The following DGKI variants were observed in gnomAD, a reference collection of about 807,000 sequenced individuals.
DGKI encodes the protein DAG kinase iota.
Under a neutral mutation model 147.5 loss-of-function variants are expected in DGKI, and 55 were observed. The observed-to-expected ratio is 0.37, with a 90% CI of 0.30 to 0.47. The LOEUF is 0.47. DGKI is among the 20% of genes least tolerant of loss of function. DGKI has a pLI of 1.00. For synonymous variants in DGKI, 469 were observed against 477.1 expected (o/e 0.98, Z 0.22); for missense variants, 1,007 against 1,323.8 (o/e 0.76, Z 3.71).
chr7:137,720,402 C>T (rs986446653), intron 1 of DGKI, among the ~76,000 whole-genome samples: 3 of 151,854 alleles, frequency 2.0e-5, no homozygotes, highest in African/African-American at 7.3e-5. Context: ...GGACCACAGG[C>T]GCCTGCCATC....
At chr7:137,791,399 A>G (rs1796851231) in intron 1 of DGKI, among the ~76,000 whole-genome samples, 1 of 152,220 alleles carries the variant, frequency 6.6e-6, no homozygotes, top group Admixed American at 6.5e-5. Flanking sequence ...TCTTTCTAGC[A>G]TATCTTCTCC....
intron 12 of DGKI, among the ~76,000 whole-genome samples, chr7:137,588,475 CTT>C (rs71533759): frequency 9.4e-5 from 11 of 116,662 alleles, no homozygotes; most frequent in Admixed American, 8.6e-5. Context: ...CATACCGATG[CTT>C]TTTTTTTTTT....
intron 2 of DGKI, among the ~76,000 whole-genome samples, chr7:137,688,806 T>G (rs1308070419): frequency 6.6e-6 from 1 of 152,146 alleles, no homozygotes; most frequent in Non-Finnish European, 1.5e-5. Context: ...AGAAGTAAAC[T>G]CCAGGAAAGG....
intron 1 of DGKI, among the ~76,000 whole-genome samples, chr7:137,758,803 C>T (rs13244637): frequency 0.03 from 4,616 of 152,080 alleles, 103 homozygotes; most frequent in Non-Finnish European, 0.048. Context: ...TGGGCAAGAT[C>T]ACACTGGGTG....
intron 20 of DGKI, among the ~76,000 whole-genome samples, chr7:137,545,021 A>G (rs1251277670): frequency 1.3e-5 from 2 of 152,220 alleles, no homozygotes; most frequent in Non-Finnish European, 2.9e-5. Context: ...GCAGCAGACT[A>G]TGAATTGTTA....
chr7:137,586,960 A>G, intron 13 of DGKI, 137 bp downstream of exon 13: 1 of 588,376 alleles, frequency 1.7e-6, no homozygotes, highest in Non-Finnish European at 2.8e-6. Context: ...TAAGGGCTCA[A>G]GGGCACTTTG....
At chr7:137,655,872 G>C (rs1215581542) in intron 4 of DGKI, among the ~76,000 whole-genome samples, 2 of 152,184 alleles carry the variant, frequency 1.3e-5, no homozygotes, top group African/African-American at 4.8e-5. Context: ...CTCACTATTG[G>C]AGCCTTTCCC....
At chr7:137,632,807 C>T (rs1472920447) in intron 6 of DGKI, among the ~76,000 whole-genome samples, 2 of 151,186 alleles carry the variant, frequency 1.3e-5, no homozygotes, top group South Asian at 2.1e-4. Context: ...TGTAGTGAGC[C>T]GAGATCATGC....
intron 8 of DGKI, among the ~76,000 whole-genome samples, chr7:137,615,823 T>C (rs1299000794): frequency 1.3e-5 from 2 of 152,120 alleles, no homozygotes; most frequent in South Asian, 2.1e-4. Context: ...GAATTTAACA[T>C]TGGTGTCGAA....
intron 1 of DGKI, among the ~76,000 whole-genome samples, chr7:137,818,152 AT>A (rs1797792649): frequency 6.6e-6 from 1 of 152,232 alleles, no homozygotes; most frequent in South Asian, 2.1e-4. Context: ...ATTGAAGGAA[AT>A]ACACCCAACC....
chr7:137,786,765 A>G (rs1796683938), intron 1 of DGKI, among the ~76,000 whole-genome samples: 1 of 152,178 alleles, frequency 6.6e-6, no homozygotes, highest in East Asian at 1.9e-4. Context: ...TGGTACTGGT[A>G]TAAAAATCAG....
chr7:137,425,559 G>C (rs923010609), intron 28 of DGKI, among the ~76,000 whole-genome samples: 1 of 152,214 alleles, frequency 6.6e-6, no homozygotes, highest in Non-Finnish European at 1.5e-5. Context: ...GAATGACTTT[G>C]ACGAGTTGAG....
intron 22 of DGKI, among the ~76,000 whole-genome samples, chr7:137,486,970 G>A (rs1528100): frequency 0.12 from 17,631 of 151,970 alleles, 1,184 homozygotes; most frequent in African/African-American, 0.19. Flanking sequence ...GAATGGAGAC[G>A]GTTAAGACTC....
In DGKI at chr7:137,535,569, C is replaced by G. The variant is rs187565012; in HGVS notation, c.2148-13603G>C. 5.0e-3 allele frequency among the ~76,000 whole-genome samples: 753 copies of G among 152,112 alleles called. 7 individuals are homozygous for G. The highest frequency in any genetic ancestry group is 0.013 in the South Asian group (62 of 4,814). ...CCCCCAAGTCTGACTTCTGCAAGAG[C>G]TCCCTTATTCCCTGCACACTCAAGG... On this transcript the variant is annotated intron_variant, in intron 20 of 32. Transcript: ENST00000614521.
At chr7:137,658,936 T>C (rs577721371) in intron 3 of DGKI, among the ~76,000 whole-genome samples, 1 of 152,334 alleles carries the variant, frequency 6.6e-6, no homozygotes, top group African/African-American at 2.4e-5. Context: ...GTGCTGTAAG[T>C]TCTAAAACTG....
At chr7:137,688,751 C>T (rs1309962050) in intron 2 of DGKI, among the ~76,000 whole-genome samples, 7 of 152,144 alleles carry the variant, frequency 4.6e-5, no homozygotes, top group Non-Finnish European at 8.8e-5. Context: ...TGCAAATATA[C>T]TCTATTGTGG....
At chr7:137,465,400 A>C (rs1814615114) in intron 26 of DGKI, among the ~76,000 whole-genome samples, 1 of 152,232 alleles carries the variant, frequency 6.6e-6, no homozygotes, top group African/African-American at 2.4e-5. Context: ...TGTATTTTAC[A>C]GATGAGAAAA....
intron 20 of DGKI, among the ~76,000 whole-genome samples, chr7:137,551,311 T>C (rs1194452937): frequency 6.6e-6 from 1 of 151,910 alleles, no homozygotes; most frequent in Non-Finnish European, 1.5e-5. Flanking sequence ...GCAGTAAGTG[T>C]TGGTAGTGAA....
At chr7:137,795,462 G>A (rs984237316) in intron 1 of DGKI, among the ~76,000 whole-genome samples, 5 of 152,238 alleles carry the variant, frequency 3.3e-5, no homozygotes, top group Admixed American at 6.5e-5. Flanking sequence ...ATTACTCAGT[G>A]AGGAAATCCC....
Sources: allele counts gnomAD v4.1 joint callset (sites outside exome capture counted in the v4.1 genomes callset), GRCh38; gene constraint gnomAD v4.1.1; transcripts MANE v1.5; gene names NCBI Gene and HGNC (gene_info 2026-07-23, HGNC 2026-07-21).